Variants in ROBO1 observed in about 807,000 individuals in gnomAD.
ROBO1 encodes the protein roundabout guidance receptor 1.
Under a neutral mutation model 195.9 loss-of-function variants are expected in ROBO1, and 149 were observed. The ratio of observed to expected loss-of-function variants is 0.76; its 90% CI spans 0.67 to 0.87. The LOEUF (loss-of-function observed/expected upper bound fraction) is 0.87, where lower values mean the gene tolerates loss of function less well. Ranked by LOEUF, ROBO1 falls within the 40% of genes least tolerant of loss-of-function variation. ROBO1 has a pLI of 0.00. For synonymous variants in ROBO1, 816 were observed against 733.2 expected, an observed-to-expected ratio of 1.11 and a Z score of -1.82; for missense variants, 1,933 against 2,068.3, an observed-to-expected ratio of 0.93 and a Z score of 1.27.
intron 4 of ROBO1, among the ~76,000 whole-genome samples, chr3:78,761,529 C>A (rs2083105943): frequency 6.6e-6 from 1 of 152,144 alleles, no homozygotes; most frequent in Non-Finnish European, 1.5e-5. Context: ...TTAATATAAT[C>A]TCTGATTATC....
At chr3:78,981,800 C>T (rs1027931506) in intron 3 of ROBO1, among the ~76,000 whole-genome samples, 1 of 149,800 alleles carries the variant, frequency 6.7e-6, no homozygotes, top group Non-Finnish European at 1.5e-5. Flanking sequence ...CACACACACA[C>T]ACACACACAC....
At chr3:78,663,576 C>A (rs79934835) in intron 14 of ROBO1, among the ~76,000 whole-genome samples, 2 of 152,084 alleles carry the variant, frequency 1.3e-5, no homozygotes, top group African/African-American at 4.8e-5. Flanking sequence ...CACCCCACCT[C>A]GGCAACTTAA....
At chr3:78,707,931 A>G (rs557637156) in intron 8 of ROBO1, among the ~76,000 whole-genome samples, 1 of 152,134 alleles carries the variant, frequency 6.6e-6, no homozygotes, top group African/African-American at 2.4e-5. Flanking sequence ...CAACTCAGGG[A>G]GATAAAAGGT....
At chr3:78,881,313 C>T (rs1462329353) in intron 4 of ROBO1, among the ~76,000 whole-genome samples, 1 of 152,178 alleles carries the variant, frequency 6.6e-6, no homozygotes, top group Non-Finnish European at 1.5e-5. Context: ...CTTAAGTCCG[C>T]ATTCCCCTTA....
intron 2 of ROBO1, among the ~76,000 whole-genome samples, chr3:79,501,993 T>C (rs1940097185): frequency 6.6e-6 from 1 of 152,218 alleles, no homozygotes; most frequent in Admixed American, 6.5e-5. Flanking sequence ...GCTCTAACTG[T>C]AACATATATC....
At chr3:79,248,396 A>G (rs904791765) in intron 2 of ROBO1, among the ~76,000 whole-genome samples, 21 of 150,080 alleles carry the variant, frequency 1.4e-4, no homozygotes, top group Middle Eastern at 3.4e-3. Context: ...AAAAAAAAAA[A>G]AGAGAGAGAG....
rs1550930 is a variant in ROBO1, at chr3:79,018,815, C to T, written c.173-79888G>A. ...TTGCGGAGCCTCCCGGCGTGCGCCC[C>T]CACAATGTGCGGCCGAGCGCCGCTG... On this transcript the variant is annotated intron_variant, in intron 3 of 30. Coordinates refer to ENST00000464233, the MANE Select transcript of ROBO1 (RefSeq NM_002941.4). The T allele has an allele frequency of 0.99, 1,012,334 of 1,026,954 alleles. 499,182 individuals are homozygous for T. Among genetic ancestry groups the T allele is most frequent in the East Asian group, 1 (12,406 of 12,406 alleles). The allele number at this position is 1,026,954 out of a possible 1,614,324, so 63.6% of individuals were successfully genotyped here.
At chr3:78,962,555 G>A (rs1308386189) in intron 3 of ROBO1, among the ~76,000 whole-genome samples, 1 of 152,036 alleles carries the variant, frequency 6.6e-6, no homozygotes, top group Non-Finnish European at 1.5e-5. Flanking sequence ...GCCGGGCGCG[G>A]TGGCTCACGC....
chr3:78,818,757 C>A (rs1161571753), intron 4 of ROBO1, among the ~76,000 whole-genome samples: 1 of 152,180 alleles, frequency 6.6e-6, no homozygotes, highest in Admixed American at 6.5e-5. Flanking sequence ...GGATGGTCGT[C>A]CTGTTCAACT....
chr3:78,714,031 C>A (rs1425446665), intron 8 of ROBO1, among the ~76,000 whole-genome samples: 2 of 152,134 alleles, frequency 1.3e-5, no homozygotes, highest in Non-Finnish European at 2.9e-5. Flanking sequence ...CCTCCAAAGA[C>A]AAAGTTTCCT....
At chr3:78,887,010 A>G (rs1040806774) in intron 4 of ROBO1, among the ~76,000 whole-genome samples, 1 of 152,216 alleles carries the variant, frequency 6.6e-6, no homozygotes, top group Non-Finnish European at 1.5e-5. Context: ...TTCTGTATGC[A>G]TATTTCAGTT....
chr3:79,209,281 T>C (rs1411649872), intron 2 of ROBO1, among the ~76,000 whole-genome samples: 1 of 152,172 alleles, frequency 6.6e-6, no homozygotes, highest in Non-Finnish European at 1.5e-5. Flanking sequence ...ACTAGAATAA[T>C]GCCTCCAACT....
chr3:78,807,137 C>T lies in ROBO1; in HGVS notation c.500-60237G>A, dbSNP rs149750331. On this transcript the variant is annotated intron_variant, in intron 4 of 30. Transcript: ENST00000464233. ...AATCATTTTTCAATAAAGGACATTG[C>T]ATTTCTTTTCTGAGTTGCTATCAGA... is the stretch of plus-strand genomic sequence containing the variant. 8.0e-3 allele frequency among the ~76,000 whole-genome samples: 1,220 copies of T among 152,196 alleles called. 11 individuals carry two copies. The highest frequency in any genetic ancestry group is 0.028 in the African/African-American group (1,159 of 41,520).
chr3:79,223,802 T>G (rs953868696), intron 2 of ROBO1, among the ~76,000 whole-genome samples: 2 of 152,214 alleles, frequency 1.3e-5, no homozygotes, highest in African/African-American at 2.4e-5. Context: ...CGCTGTACTC[T>G]CCCTTAGTTT....
intron 3 of ROBO1, among the ~76,000 whole-genome samples, chr3:79,011,994 G>C (rs1043224647): frequency 3.3e-5 from 5 of 152,102 alleles, no homozygotes; most frequent in Admixed American, 3.3e-4. Flanking sequence ...ATGGCTGACT[G>C]TGGACAAGCT....
chr3:78,664,462 G>A (rs1017097905), intron 14 of ROBO1, among the ~76,000 whole-genome samples: 2 of 152,082 alleles, frequency 1.3e-5, no homozygotes, highest in Non-Finnish European at 2.9e-5. Context: ...AACAACAGCC[G>A]CACCTCTGCC....
chr3:78,865,706 C>T (rs1159719279), intron 4 of ROBO1, among the ~76,000 whole-genome samples: 5 of 152,014 alleles, frequency 3.3e-5, no homozygotes, highest in Admixed American at 2.6e-4. Flanking sequence ...CTCCTGACCT[C>T]GTGATCCTCC....
intron 2 of ROBO1, among the ~76,000 whole-genome samples, chr3:79,491,382 C>T (rs1279216122): frequency 4.6e-5 from 7 of 152,250 alleles, no homozygotes; most frequent in East Asian, 1.9e-4. Context: ...TGCTGACAGT[C>T]GGGTTGTAAG....
At chr3:79,592,681 A>G (rs747655365) in intron 1 of ROBO1, among the ~76,000 whole-genome samples, 7 of 151,888 alleles carry the variant, frequency 4.6e-5, no homozygotes, top group African/African-American at 1.4e-4. Flanking sequence ...AGCCTCTCCC[A>G]TTGGCAACCC....
Sources: allele counts gnomAD v4.1 joint callset (sites outside exome capture counted in the v4.1 genomes callset), GRCh38; gene constraint gnomAD v4.1.1; transcripts MANE v1.5; gene names NCBI Gene and HGNC (gene_info 2026-07-23, HGNC 2026-07-21).